Variants in NUP133 observed in about 807,000 individuals in gnomAD.
NUP133 encodes the protein nuclear pore complex protein Nup133.
Under a neutral mutation model 146.2 loss-of-function variants are expected in NUP133, and 66 were observed. That is an observed-to-expected ratio of 0.45 (90% confidence interval 0.37 to 0.55). The LOEUF is 0.55. Ranked by LOEUF, NUP133 falls within the 20% of genes least tolerant of loss-of-function variation. The pLI is 0.00. For missense variants in NUP133, 1,277 were observed against 1,374.8 expected (o/e 0.93, Z 1.12); for synonymous variants, 521 against 498.8 (o/e 1.04, Z -0.59).
intron 12 of NUP133, among the ~76,000 whole-genome samples, chr1:229,483,629 C>A (rs563559161): frequency 1.4e-5 from 2 of 139,702 alleles, no homozygotes; most frequent in African/African-American, 5.2e-5. Context: ...CGCTTGAACC[C>A]GGGAGGCGGA....
At position 229,440,478 on chromosome 1, in the gene NUP133, C is replaced by T. The variant is rs890271926; in HGVS notation, c.*1426G>A. The T allele has an allele frequency of 1.3e-5, 2 of 152,208 alleles. No homozygotes were observed. The highest frequency in any genetic ancestry group is 2.9e-5 in the Non-Finnish European group (2 of 68,082). The allele number at this position is 152,208 out of a possible 1,614,324, so 9.4% of individuals were successfully genotyped here. A position where few individuals can be genotyped will look rare whatever the true frequency, so the allele number is the denominator to read the frequency against. On this transcript the variant is annotated 3_prime_UTR_variant, in exon 26 of 26. Coordinates refer to ENST00000261396, the MANE Select transcript of NUP133 (RefSeq NM_018230.3). ...AGATGGGCTTTCCTGCGGTACTGTC[C>T]CATACACCAGGGATCACCAGGTTTG...
chr1:229,458,020 A>G, intron 21 of NUP133, 141 bp downstream of exon 21: 2 of 764,106 alleles, frequency 2.6e-6, no homozygotes, highest in East Asian at 5.5e-5. Flanking sequence ...GTAACTACAC[A>G]TGGACATTAA....
Position 229,441,816 on chromosome 1 carries a change from G to T in NUP133, c.*88C>A. ...ACTCAGCTATACATGTTATGAAATTGTACAAACTTACACTTGTTTATGGCC... is the reference window on the plus strand; with the variant it reads ...ACTCAGCTATACATGTTATGAAATTTTACAAACTTACACTTGTTTATGGCC... On this transcript the variant is annotated 3_prime_UTR_variant, in exon 26 of 26. Coordinates refer to ENST00000261396, the MANE Select transcript of NUP133 (RefSeq NM_018230.3). 1.8e-6 allele frequency: 2 copies of T among 1,086,916 alleles called. No homozygotes were observed. The highest frequency in any genetic ancestry group is 2.6e-6 in the Non-Finnish European group (2 of 766,332). 67.3% of individuals were successfully genotyped at this position (1,086,916 alleles called of 1,614,324 possible). A position where few individuals can be genotyped will look rare whatever the true frequency, so the allele number is the denominator to read the frequency against.
chr1:229,499,831 T>C lies in NUP133; in HGVS notation c.514-13A>G. ...TGACAGCAACAGCCTCAAAACAAGA[T>C]CACAACAATCAGCAATCACAATAAA... On this transcript the variant is annotated splice_polypyrimidine_tract_variant and intron_variant, in intron 4 of 25. Coordinates refer to ENST00000261396, the MANE Select transcript of NUP133 (RefSeq NM_018230.3). 7 of 1,607,856 alleles carry C rather than the reference T, an allele frequency of 4.4e-6. No homozygotes were observed. The highest frequency in any genetic ancestry group is 6.0e-6 in the Non-Finnish European group (7 of 1,176,228).
At chr1:229,476,536 T>G (rs1366077034) in intron 13 of NUP133, among the ~76,000 whole-genome samples, 1 of 152,188 alleles carries the variant, frequency 6.6e-6, no homozygotes, top group Non-Finnish European at 1.5e-5. Flanking sequence ...CTTGTCCACT[T>G]CTACATATTG....
chr1:229,505,672 A>G (rs1325704600), intron 2 of NUP133, among the ~76,000 whole-genome samples: 1 of 151,238 alleles, frequency 6.6e-6, no homozygotes, highest in African/African-American at 2.4e-5. Flanking sequence ...AGATCACCTG[A>G]GGTCAGGAGT....
intron 12 of NUP133, among the ~76,000 whole-genome samples, chr1:229,482,696 G>T (rs577350025): frequency 6.6e-6 from 1 of 152,116 alleles, no homozygotes; most frequent in African/African-American, 2.4e-5. Flanking sequence ...CACCCCATAC[G>T]CGCATCTGCT....
In NUP133 at chr1:229,496,060, G is replaced by A. The variant is rs186357807; in HGVS notation, c.820-13C>T. On this transcript the variant is annotated splice_polypyrimidine_tract_variant and intron_variant, in intron 6 of 25. Transcript: ENST00000261396. ...GAACACTTGAAAGCTATTCAGAAAA[G>A]AAAAGGAAGTCAAATTCACAGATTA... 1.4e-5 allele frequency: 22 copies of A among 1,543,760 alleles called. No individual in the cohort carries two copies. In the East Asian group the frequency reaches 5.1e-4, roughly 36 times the overall value.
At chr1:229,460,181 A>C (rs888787612) in intron 20 of NUP133, among the ~76,000 whole-genome samples, 1 of 152,142 alleles carries the variant, frequency 6.6e-6, no homozygotes, top group African/African-American at 2.4e-5. Context: ...ATGTCTATTC[A>C]GGTCTTTTGC....
chr1:229,508,317 G>C lies in NUP133; in HGVS notation c.-68C>G, dbSNP rs573898972. Reference sequence around the variant, plus strand: ...TCAGGTTGCAGCCTGGCCTGCGCGCGGAACTTAAACACCTAAGGGAAGAGA... The same window carrying C: ...TCAGGTTGCAGCCTGGCCTGCGCGCCGAACTTAAACACCTAAGGGAAGAGA... On this transcript the variant is annotated 5_prime_UTR_variant, in exon 1 of 26. Coordinates refer to ENST00000261396, the MANE Select transcript of NUP133 (RefSeq NM_018230.3). 46 of 1,239,944 alleles carry C rather than the reference G, an allele frequency of 3.7e-5. No homozygotes were observed. In the South Asian group the frequency reaches 7.7e-4, roughly 21 times the overall value. The allele number at this position is 1,239,944 out of a possible 1,614,324, so 76.8% of individuals were successfully genotyped here.
In NUP133 at chr1:229,508,107, A is replaced by G; in HGVS notation, c.143T>C (p.Leu48Pro). ...PLGSAVSSPVLFSPVGRRSSL... is the reference protein window; with the variant it reads ...PLGSAVSSPVPFSPVGRRSSL... ...GCTACGCCGGCCGACCGGCGAGAAG[A>G]GCACTGGGGAGCTGACTGCAGACCC... Residue 48 changes from leucine to proline, a missense_variant, in exon 1 of 26, where the codon CTC (leucine) becomes CCC (proline). By Grantham distance (98) the Leu-to-Pro change is moderately conservative (BLOSUM62 -3). Around this residue, in one of 3 missense-constraint regions of NUP133, gnomAD observed 319 missense variants for 306.9 expected, o/e 1.04. Transcript: ENST00000261396. The G allele has an allele frequency of 6.6e-7, 1 of 1,525,660 alleles. No individual in the cohort carries two copies. The highest frequency in any genetic ancestry group is 8.8e-7 in the Non-Finnish European group (1 of 1,135,308). The allele number at this position is 1,525,660 out of a possible 1,614,324, so 94.5% of individuals were successfully genotyped here.
In NUP133 at chr1:229,496,744, T is replaced by C. The variant is rs549145480; in HGVS notation, c.820-697A>G. Reference sequence around the variant, plus strand: ...TGCTTGTAATTCCAACACTTTGGGATACCAAGGAGGGAGGCTCATTTGAGC... The same window carrying C: ...TGCTTGTAATTCCAACACTTTGGGACACCAAGGAGGGAGGCTCATTTGAGC... On this transcript the variant is annotated intron_variant, in intron 6 of 25. Transcript: ENST00000261396. Among the ~76,000 whole-genome samples the C allele has an allele frequency of 3.6e-4, 55 of 152,222 alleles. No homozygotes were observed. In the Middle Eastern group the frequency reaches 0.01, roughly 28 times the overall value.
At chr1:229,484,398 C>A (rs1661296114) in intron 11 of NUP133, among the ~76,000 whole-genome samples, 1 of 152,030 alleles carries the variant, frequency 6.6e-6, no homozygotes, top group South Asian at 2.1e-4. Context: ...ATGTTTCAAG[C>A]AAGTTTACGA....
At position 229,449,130 on chromosome 1, in the gene NUP133, C is replaced by T. The variant is rs1358590588; in HGVS notation, c.3241G>A (p.Asp1081Asn). 19 of 1,611,852 alleles carry T rather than the reference C, an allele frequency of 1.2e-5. No homozygotes were observed. The East Asian group carries it at 4.0e-4, about 34-fold the overall frequency. The change falls in exon 24 of 26, where the codon GAT (aspartate) becomes AAT (asparagine). Residue 1081 changes from aspartate to asparagine, a missense_variant. Coordinates refer to ENST00000261396, the MANE Select transcript of NUP133 (RefSeq NM_018230.3). ...LEILCKALQR[D>N]NWSSSDGKDD... is the part of the protein sequence containing the mutation. ...AGCAATGCCACGAGCACTTACTTAT[C>T]TCTCTGAAGAGCTTTGCAAAGGATT...
At chr1:229,504,429 T>C (rs1448183111) in intron 2 of NUP133, among the ~76,000 whole-genome samples, 1 of 152,240 alleles carries the variant, frequency 6.6e-6, no homozygotes, top group African/African-American at 2.4e-5. Flanking sequence ...TGAACTTTGC[T>C]CTTCCAGTGT....
intron 1 of NUP133, among the ~76,000 whole-genome samples, chr1:229,506,709 C>T (rs956610319): frequency 8.6e-5 from 13 of 151,394 alleles, no homozygotes; most frequent in African/African-American, 2.7e-4. Context: ...GAGTTCAAGA[C>T]CAGCCTGGGG....
chr1:229,499,819 C>T lies in NUP133; in HGVS notation c.514-1G>A. 6.2e-7 allele frequency: 1 copy of T among 1,612,340 alleles called. No individual in the cohort carries two copies. The highest frequency in any genetic ancestry group is 8.5e-7 in the Non-Finnish European group (1 of 1,178,962). The stretch of plus-strand genomic sequence containing the variant: ...TGGTGGCAACCATGACAGCAACAGC[C>T]TCAAAACAAGATCACAACAATCAGC... On this transcript the variant is annotated splice_acceptor_variant, in intron 4 of 25. Transcript: ENST00000261396. LOFTEE classifies it high-confidence loss of function.
At chr1:229,451,822 T>G (rs1002541652) in intron 22 of NUP133, among the ~76,000 whole-genome samples, 4 of 152,196 alleles carry the variant, frequency 2.6e-5, no homozygotes, top group Admixed American at 6.5e-5. Context: ...AAATTAATAA[T>G]GCATTAGAGT....
intron 2 of NUP133, among the ~76,000 whole-genome samples, chr1:229,505,388 T>C (rs1661907748): frequency 6.6e-6 from 1 of 151,840 alleles, no homozygotes; most frequent in South Asian, 2.1e-4. Context: ...AAACACAGTA[T>C]ATATAAGGTT....
Sources: allele counts gnomAD v4.1 joint callset (sites outside exome capture counted in the v4.1 genomes callset), GRCh38; gene constraint gnomAD v4.1.1; regional missense constraint gnomAD v4.1.1; transcripts MANE v1.5; gene names NCBI Gene and HGNC (gene_info 2026-07-23, HGNC 2026-07-21).